NPAS3: variants seen among roughly 807,000 people sequenced by gnomAD.
NPAS3 encodes neuronal PAS domain protein 3, also known as neuronal PAS domain-containing protein 3.
NPAS3 carries 14 observed loss-of-function variants against 73.1 expected under a neutral mutation model. That is an observed-to-expected ratio of 0.19 (90% confidence interval 0.13 to 0.30). The LOEUF is 0.30. NPAS3 is among the 10% of genes least tolerant of loss of function. The pLI is 1.00. For missense variants in NPAS3, 1,096 were observed against 1,250.0 expected (o/e 0.88, Z 1.86); for synonymous variants, 620 against 541.5 (o/e 1.14, Z -2.01).
rs1336636713 is a variant in NPAS3 at position 33,543,997 on chromosome 14, A to ATATATC, written c.469-16117_469-16112dup. On this transcript the variant is annotated intron_variant, in intron 4 of 11. Coordinates refer to ENST00000356141, the Ensembl canonical transcript of NPAS3. ...TATATATATATATATATATATATAT[A>ATATATC]TATATCTATATCAGGAATAGGTGCT... Among the ~76,000 whole-genome samples the ATATATC allele has an allele frequency of 4.9e-3, 303 of 61,780 alleles. 5 individuals are homozygous for ATATATC. The highest frequency in any genetic ancestry group is 0.014 in the Admixed American group (81 of 5,818). The allele number at this position is 61,780 out of a possible 152,430, so 40.5% of individuals were successfully genotyped here. A position where few individuals can be genotyped will look rare whatever the true frequency, so the allele number is the denominator to read the frequency against.
intron 1 of NPAS3, among the ~76,000 whole-genome samples, chr14:33,011,994 T>C (rs2039216777): frequency 6.6e-6 from 1 of 152,130 alleles, no homozygotes; most frequent in African/African-American, 2.4e-5. Flanking sequence ...ATAGACCTGT[T>C]TCTCCATATA....
At chr14:33,003,348 A>T (rs1361051846) in intron 1 of NPAS3, among the ~76,000 whole-genome samples, 1 of 152,142 alleles carries the variant, frequency 6.6e-6, no homozygotes, top group Non-Finnish European at 1.5e-5. Flanking sequence ...GAATTTAGCT[A>T]CAAGTTTATC....
chr14:33,370,385 A>G (rs1342801926), intron 4 of NPAS3, among the ~76,000 whole-genome samples: 1 of 152,174 alleles, frequency 6.6e-6, no homozygotes, highest in Non-Finnish European at 1.5e-5. Flanking sequence ...ATCAGACACA[A>G]AAGCATGTAA....
intron 1 of NPAS3, among the ~76,000 whole-genome samples, chr14:32,963,154 C>G (rs117379653): frequency 0.022 from 3,345 of 152,128 alleles, 56 homozygotes; most frequent in Non-Finnish European, 0.026. Context: ...TCTTCTGAGG[C>G]TAAATAACTT....
At position 33,699,096 on chromosome 14, in the gene NPAS3, A is replaced by G. The variant is rs573785312; in HGVS notation, c.733+22711A>G. Among the ~76,000 whole-genome samples the G allele has an allele frequency of 2.0e-5, 3 of 152,296 alleles. No homozygotes were observed. In the South Asian group the frequency reaches 6.2e-4, roughly 32 times the overall value. ...CAGACCCTAGGAAATCTCAGGTGAG[A>G]GTTGGGAGGAAGGCTTGTTCTCGCT... is the stretch of plus-strand genomic sequence containing the variant. On this transcript the variant is annotated intron_variant, in intron 6 of 11. Transcript: ENST00000356141.
chr14:33,451,343 T>C (rs1415685611), intron 4 of NPAS3, among the ~76,000 whole-genome samples: 2 of 152,222 alleles, frequency 1.3e-5, no homozygotes, highest in Non-Finnish European at 2.9e-5. Flanking sequence ...AGTTTAAATC[T>C]GAGCCTTCTC....
chr14:33,161,699 A>G (rs895380079), intron 2 of NPAS3, among the ~76,000 whole-genome samples: 2 of 152,234 alleles, frequency 1.3e-5, no homozygotes, highest in Non-Finnish European at 2.9e-5. Context: ...TCTTGTAGCC[A>G]AGCGGTACAG....
At chr14:33,582,570 G>C (rs8018999) in intron 5 of NPAS3, among the ~76,000 whole-genome samples, 30,277 of 152,118 alleles carry the variant, frequency 0.2, 5,161 homozygotes, top group African/African-American at 0.47. Flanking sequence ...CAGAGCAACA[G>C]TATGCACTAT....
chr14:33,512,101 G>T (rs2053083048), intron 4 of NPAS3, among the ~76,000 whole-genome samples: 1 of 152,030 alleles, frequency 6.6e-6, no homozygotes, highest in South Asian at 2.1e-4. Flanking sequence ...GAATGCCTCT[G>T]CCATAGATGA....
intron 4 of NPAS3, among the ~76,000 whole-genome samples, chr14:33,368,833 T>G (rs1566838891): frequency 6.6e-6 from 1 of 152,202 alleles, no homozygotes; most frequent in Non-Finnish European, 1.5e-5. Context: ...AGGTTTTGTA[T>G]GGACCGTGAC....
intron 2 of NPAS3, among the ~76,000 whole-genome samples, chr14:33,113,843 T>C (rs1337230843): frequency 1.3e-5 from 2 of 152,186 alleles, no homozygotes; most frequent in Non-Finnish European, 2.9e-5. Context: ...ATACGTCCCA[T>C]CAATACCTAA....
intron 3 of NPAS3, among the ~76,000 whole-genome samples, chr14:33,287,066 A>G (rs888199968): frequency 6.6e-6 from 1 of 152,210 alleles, no homozygotes; most frequent in Non-Finnish European, 1.5e-5. Context: ...GCCTGGAAAT[A>G]CAATTTGTAA....
Position 33,793,886 on chromosome 14 carries a change from T to A in NPAS3, c.1154-11T>A. On this transcript the variant is annotated splice_polypyrimidine_tract_variant and intron_variant, in intron 9 of 11. Coordinates refer to ENST00000356141, the Ensembl canonical transcript of NPAS3. ...TTAATACAATGCCTCTGTTTTGTTT[T>A]TTTTCGCCAGTGCTGAATAAGGGTC... is the stretch of plus-strand genomic sequence containing the variant. 6.2e-7 allele frequency: 1 copy of A among 1,606,350 alleles called. No homozygotes were observed. The highest frequency in any genetic ancestry group is 1.1e-5 in the South Asian group (1 of 89,030).
At chr14:33,193,416 C>A (rs2046240423) in intron 2 of NPAS3, among the ~76,000 whole-genome samples, 1 of 152,098 alleles carries the variant, frequency 6.6e-6, no homozygotes. Context: ...TAAACACATA[C>A]TCAGATGGGG....
chr14:33,752,830 TA>T (rs755097516), intron 7 of NPAS3, among the ~76,000 whole-genome samples: 22 of 152,202 alleles, frequency 1.4e-4, no homozygotes, highest in Non-Finnish European at 2.6e-4. Flanking sequence ...GTCTTTCTGA[TA>T]TTTTTTTTCA....
chr14:33,221,967 C>A (rs768590417), intron 3 of NPAS3, among the ~76,000 whole-genome samples: 7 of 151,974 alleles, frequency 4.6e-5, no homozygotes, highest in Non-Finnish European at 1.0e-4. Context: ...TGGGAGCGCT[C>A]AGAAATGAAG....
chr14:33,752,807 C>T (rs1030697437), intron 7 of NPAS3, among the ~76,000 whole-genome samples: 2 of 152,098 alleles, frequency 1.3e-5, no homozygotes, highest in Non-Finnish European at 2.9e-5. Flanking sequence ...TTGGGGAGGA[C>T]GGCCTACCAT....
In NPAS3 at chr14:33,800,530, C is replaced by T. The variant is rs1482735108; in HGVS notation, c.2223C>T (p.Pro741=). 2 of 1,380,090 alleles carry T rather than the reference C, an allele frequency of 1.4e-6. No homozygotes were observed. Among genetic ancestry groups the T allele is most frequent in the Admixed American group, 3.9e-5 (1 of 25,560 alleles). 85.5% of individuals were successfully genotyped at this position (1,380,090 alleles called of 1,614,324 possible). A position where few individuals can be genotyped will look rare whatever the true frequency, so the allele number is the denominator to read the frequency against. Residue 741 remains proline, a synonymous_variant, in exon 12 of 12, where the codon CCC becomes CCT. Transcript: ENST00000356141. This position sits in a 1 kb window ranked among gnomAD's most constrained non-coding sequence, Gnocchi z 6.5. ...CCTCGGCCACCGCGGCCCTGGCCCCCGTCGCCTCCGACCCGCTGTCACCCC... is the reference window on the plus strand; with the variant it reads ...CCTCGGCCACCGCGGCCCTGGCCCCTGTCGCCTCCGACCCGCTGTCACCCC...
At chr14:33,621,490 A>G (rs1405632878) in intron 5 of NPAS3, among the ~76,000 whole-genome samples, 2 of 152,212 alleles carry the variant, frequency 1.3e-5, no homozygotes, top group East Asian at 1.9e-4. Flanking sequence ...GAGGCAAAAC[A>G]TAAGTGCATT....
Sources: gnomAD v4.1 joint callset for allele counts (sites outside exome capture counted in the v4.1 genomes callset) on GRCh38, gnomAD v4.1.1 for gene constraint, Gnocchi (gnomAD v3.1) non-coding constraint, MANE v1.5 for transcripts, NCBI Gene and HGNC (gene_info 2026-07-23, HGNC 2026-07-21) for gene names.